The following ZNF385D variants were observed in gnomAD, a reference collection of about 807,000 sequenced individuals.
ZNF385D encodes zinc finger protein 385D, also known as zinc finger protein 659.
In ZNF385D, 15 loss-of-function variants were observed where a neutral mutation model predicts 35.8. That is an observed-to-expected ratio of 0.42 (90% CI 0.28 to 0.64). The LOEUF is 0.64. ZNF385D is among the 30% of genes least tolerant of loss of function. The pLI is 0.23. For missense variants in ZNF385D, 474 were observed against 494.6 expected (o/e 0.96, Z 0.39); for synonymous variants, 212 against 186.8 (o/e 1.13, Z -1.10).
chr3:21,826,054 T>C (rs920721294), intron 3 of ZNF385D, among the ~76,000 whole-genome samples: 5 of 152,076 alleles, frequency 3.3e-5, no homozygotes, highest in Non-Finnish European at 1.5e-5. Context: ...CACCAGTCCG[T>C]GGGTAAAATG....
At chr3:22,146,370 A>G (rs113962252) in intron 3 of ZNF385D, among the ~76,000 whole-genome samples, 7 of 152,350 alleles carry the variant, frequency 4.6e-5, no homozygotes, top group African/African-American at 1.7e-4. Context: ...TAACTGCAAT[A>G]AACTGACAGA....
chr3:22,180,960 A>T, intron 2 of ZNF385D, among the ~76,000 whole-genome samples: 1 of 114,146 alleles, frequency 8.8e-6, no homozygotes, highest in African/African-American at 3.8e-5. Flanking sequence ...TCCTTCTCTC[A>T]TTTATAATGC....
At chr3:21,620,434 T>G (rs551143358) in intron 2 of ZNF385D, among the ~76,000 whole-genome samples, 1 of 152,222 alleles carries the variant, frequency 6.6e-6, no homozygotes, top group East Asian at 1.9e-4. Context: ...GGGGTGAGAT[T>G]TTTCCATTTT....
intron 1 of ZNF385D, among the ~76,000 whole-genome samples, chr3:21,706,904 A>G (rs925548832): frequency 6.6e-6 from 1 of 152,166 alleles, no homozygotes; most frequent in Non-Finnish European, 1.5e-5. Flanking sequence ...CAGGTTTAGG[A>G]AAAGGACAGA....
intron 3 of ZNF385D, among the ~76,000 whole-genome samples, chr3:22,040,312 T>G (rs1698585092): frequency 1.3e-5 from 2 of 152,184 alleles, no homozygotes; most frequent in Non-Finnish European, 2.9e-5. Context: ...TTATTCACAT[T>G]TAATTCTTAC....
intron 2 of ZNF385D, among the ~76,000 whole-genome samples, chr3:22,207,835 A>G (rs1036645138): frequency 6.6e-6 from 1 of 151,802 alleles, no homozygotes; most frequent in African/African-American, 2.4e-5. Flanking sequence ...ACAGTGCCCC[A>G]TATCATTGAT....
At chr3:21,598,694 A>G (rs1291819460) in intron 2 of ZNF385D, among the ~76,000 whole-genome samples, 1 of 152,210 alleles carries the variant, frequency 6.6e-6, no homozygotes, top group African/African-American at 2.4e-5. Flanking sequence ...TAAACCACAA[A>G]TTAGGTACTG....
chr3:22,279,213 G>A (rs548149288), intron 2 of ZNF385D, among the ~76,000 whole-genome samples: 1 of 151,968 alleles, frequency 6.6e-6, no homozygotes, highest in East Asian at 1.9e-4. Flanking sequence ...CATCACCCAA[G>A]CAATGTGCAC....
intron 3 of ZNF385D, among the ~76,000 whole-genome samples, chr3:21,822,084 T>C (rs1694281311): frequency 1.3e-5 from 2 of 152,020 alleles, no homozygotes; most frequent in Non-Finnish European, 1.5e-5. Flanking sequence ...ATTTTTTTTC[T>C]TTTTTGACAC....
intron 3 of ZNF385D, among the ~76,000 whole-genome samples, chr3:22,126,063 T>A (rs1703407130): frequency 6.6e-6 from 1 of 152,208 alleles, no homozygotes; most frequent in East Asian, 1.9e-4. Flanking sequence ...AATATATGCC[T>A]TTATTTTGTT....
At chr3:21,868,909 C>A (rs1002085141) in intron 3 of ZNF385D, among the ~76,000 whole-genome samples, 1 of 152,016 alleles carries the variant, frequency 6.6e-6, no homozygotes, top group Non-Finnish European at 1.5e-5. Flanking sequence ...CTGAATTAGA[C>A]CCTATTTTCA....
intron 2 of ZNF385D, among the ~76,000 whole-genome samples, chr3:22,191,503 A>G (rs2125225744): frequency 6.6e-6 from 1 of 152,128 alleles, no homozygotes; most frequent in East Asian, 1.9e-4. Flanking sequence ...AAAAAAAAAA[A>G]AAGGACAATT....
chr3:21,836,474 A>C (rs888822772), intron 3 of ZNF385D, among the ~76,000 whole-genome samples: 5 of 152,094 alleles, frequency 3.3e-5, no homozygotes, highest in Admixed American at 6.6e-5. Flanking sequence ...GGATTCACAA[A>C]CACTGCCATG....
At chr3:22,243,867 T>C (rs1383184651) in intron 2 of ZNF385D, among the ~76,000 whole-genome samples, 2 of 150,808 alleles carry the variant, frequency 1.3e-5, no homozygotes, top group African/African-American at 4.9e-5. Context: ...CAAAGTGGTA[T>C]TCAATTGACA....
chr3:21,847,536 T>TA (rs891266946), intron 3 of ZNF385D, among the ~76,000 whole-genome samples: 4 of 152,040 alleles, frequency 2.6e-5, no homozygotes, highest in Non-Finnish European at 5.9e-5. Flanking sequence ...TTTAGATTAC[T>TA]AAAAAAGAGG....
intron 3 of ZNF385D, among the ~76,000 whole-genome samples, chr3:22,126,318 T>C (rs973647482): frequency 6.6e-6 from 1 of 151,000 alleles, no homozygotes; most frequent in Admixed American, 6.6e-5. Context: ...TTGTTTTTTT[T>C]TTTTTTTTTT....
chr3:22,145,692 C>G (rs7619700), intron 3 of ZNF385D, among the ~76,000 whole-genome samples: 5,199 of 152,178 alleles, frequency 0.034, 280 homozygotes, highest in African/African-American at 0.12. Flanking sequence ...AGGAAGAAAT[C>G]AGACCTAATC....
intron 3 of ZNF385D, among the ~76,000 whole-genome samples, chr3:21,801,076 A>G (rs1575672988): frequency 6.6e-6 from 1 of 152,218 alleles, no homozygotes; most frequent in African/African-American, 2.4e-5. Context: ...ATCAATTTAG[A>G]TGGCCATGTA....
At chr3:22,264,385 T>C (rs981387893) in intron 2 of ZNF385D, among the ~76,000 whole-genome samples, 1 of 152,014 alleles carries the variant, frequency 6.6e-6, no homozygotes, top group African/African-American at 2.4e-5. Context: ...GAATGCTTAC[T>C]AAAAGCCAAG....
Sources: gnomAD v4.1 joint callset for allele counts (sites outside exome capture counted in the v4.1 genomes callset) on GRCh38, gnomAD v4.1.1 for gene constraint, MANE v1.5 for transcripts, NCBI Gene and HGNC (gene_info 2026-07-23, HGNC 2026-07-21) for gene names.